THSD7A: variants seen among roughly 807,000 people sequenced by gnomAD.
THSD7A encodes thrombospondin type-1 domain-containing protein 7A.
Under a neutral mutation model 231.3 loss-of-function variants are expected in THSD7A, and 96 were observed. The observed-to-expected ratio is 0.41, with a 90% CI of 0.35 to 0.49. THSD7A has a LOEUF of 0.49. Ranked by LOEUF, THSD7A falls within the 20% of genes least tolerant of loss-of-function variation. The pLI, the probability that THSD7A is intolerant of heterozygous loss-of-function variation, is 0.05. For synonymous variants in THSD7A, 940 were observed against 743.3 expected (o/e 1.26, Z -4.30); for missense variants, 2,290 against 2,070.2 (o/e 1.11, Z -2.06).
At chr7:11,775,676 G>A (rs1170522808) in intron 1 of THSD7A, among the ~76,000 whole-genome samples, 1 of 152,156 alleles carries the variant, frequency 6.6e-6, no homozygotes, top group Non-Finnish European at 1.5e-5. Flanking sequence ...GGTTGCCAGG[G>A]ACTGAGGTGA....
chr7:11,438,537 A>G (rs1300051624), intron 13 of THSD7A, among the ~76,000 whole-genome samples: 1 of 152,040 alleles, frequency 6.6e-6, no homozygotes, highest in Non-Finnish European at 1.5e-5. Context: ...TCACAAGCAT[A>G]CTAGGCAAAG....
intron 3 of THSD7A, among the ~76,000 whole-genome samples, chr7:11,592,177 TGGA>T (rs943925766): frequency 6.6e-6 from 1 of 152,136 alleles, no homozygotes; most frequent in African/African-American, 2.4e-5. Flanking sequence ...AAATTCTCTG[TGGA>T]GGTTTCAGTC....
chr7:11,408,251 G>A (rs1000788517), intron 19 of THSD7A, among the ~76,000 whole-genome samples: 3 of 152,124 alleles, frequency 2.0e-5, no homozygotes, highest in Admixed American at 6.5e-5. Context: ...GCTCATGCCT[G>A]TAATCCCAGC....
At chr7:11,812,264 GTTA>G (rs1183288490) in intron 1 of THSD7A, among the ~76,000 whole-genome samples, 1 of 151,884 alleles carries the variant, frequency 6.6e-6, no homozygotes. Context: ...AAACTCCTGC[GTTA>G]TTTACTTTCA....
chr7:11,755,259 G>A (rs1210218393), intron 1 of THSD7A, among the ~76,000 whole-genome samples: 1 of 152,016 alleles, frequency 6.6e-6, no homozygotes, highest in Non-Finnish European at 1.5e-5. Flanking sequence ...TAGGGACATG[G>A]TATATGATAG....
At chr7:11,798,422 G>A (rs1054068650) in intron 1 of THSD7A, among the ~76,000 whole-genome samples, 2 of 151,282 alleles carry the variant, frequency 1.3e-5, no homozygotes, top group Non-Finnish European at 2.9e-5. Context: ...AGTGAGCTGA[G>A]ATTACATCAT....
At chr7:11,789,172 G>T (rs1193761243) in intron 1 of THSD7A, among the ~76,000 whole-genome samples, 1 of 151,836 alleles carries the variant, frequency 6.6e-6, no homozygotes, top group African/African-American at 2.4e-5. Flanking sequence ...ATTGCAAAGT[G>T]GTGTCATTGA....
intron 1 of THSD7A, among the ~76,000 whole-genome samples, chr7:11,639,441 G>A (rs544936785): frequency 2.0e-5 from 3 of 152,064 alleles, no homozygotes; most frequent in African/African-American, 4.8e-5. Context: ...AGGCCGAGGC[G>A]GGCGGATCAC....
In THSD7A at chr7:11,640,819, G is replaced by C. The variant is rs181391743; in HGVS notation, c.191-3858C>G. ...CCCATATAAAAGTTTAATAATACTG[G>C]CATCTTATTTATAACACCATGAATC... On this transcript the variant is annotated intron_variant, in intron 1 of 27. Coordinates refer to ENST00000423059, the MANE Select transcript of THSD7A (RefSeq NM_015204.3). Among the ~76,000 whole-genome samples, 684 of 152,060 alleles carry C rather than the reference G, an allele frequency of 4.5e-3. 4 individuals carry two copies. The highest frequency in any genetic ancestry group is 0.016 in the African/African-American group (656 of 41,480).
At chr7:11,743,644 T>A (rs2128161703) in intron 1 of THSD7A, among the ~76,000 whole-genome samples, 1 of 151,940 alleles carries the variant, frequency 6.6e-6, no homozygotes, top group African/African-American at 2.4e-5. Flanking sequence ...ACATGGGGAC[T>A]GAGTGGAGGA....
intron 1 of THSD7A, among the ~76,000 whole-genome samples, chr7:11,739,804 A>G (rs1357127383): frequency 6.6e-6 from 1 of 151,894 alleles, no homozygotes; most frequent in Non-Finnish European, 1.5e-5. Flanking sequence ...CTTTCCCCAG[A>G]AAGCAGAGGT....
intron 4 of THSD7A, among the ~76,000 whole-genome samples, chr7:11,587,596 A>G (rs10486150): frequency 0.094 from 14,320 of 152,244 alleles, 1,246 homozygotes; most frequent in African/African-American, 0.23. Context: ...TAAATTGTGA[A>G]TATTTTACTA....
intron 4 of THSD7A, among the ~76,000 whole-genome samples, chr7:11,546,199 C>CGTGT (rs150053928): frequency 2.9e-5 from 3 of 101,820 alleles, no homozygotes; most frequent in East Asian, 2.9e-4. Flanking sequence ...GGTGTGGGCG[C>CGTGT]GCGCTCACAC....
chr7:11,504,223 A>G (rs1156882126), intron 6 of THSD7A, among the ~76,000 whole-genome samples: 1 of 152,176 alleles, frequency 6.6e-6, no homozygotes, highest in Non-Finnish European at 1.5e-5. Context: ...AAAATCAAAT[A>G]CCACATGCTT....
chr7:11,761,370 C>G (rs1469908186), intron 1 of THSD7A, among the ~76,000 whole-genome samples: 3 of 152,042 alleles, frequency 2.0e-5, no homozygotes, highest in African/African-American at 7.2e-5. Context: ...TATATAACAT[C>G]TTTGCAAATA....
intron 13 of THSD7A, among the ~76,000 whole-genome samples, chr7:11,438,345 A>G (rs532843687): frequency 6.6e-6 from 1 of 152,154 alleles, no homozygotes; most frequent in East Asian, 1.9e-4. Context: ...CTCATTTGTA[A>G]TATTTGTAGA....
At chr7:11,699,713 T>A (rs1479137622) in intron 1 of THSD7A, among the ~76,000 whole-genome samples, 1 of 151,344 alleles carries the variant, frequency 6.6e-6, no homozygotes, top group Non-Finnish European at 1.5e-5. Context: ...ACATGCCAAT[T>A]TTGCTATTTA....
intron 1 of THSD7A, among the ~76,000 whole-genome samples, chr7:11,714,666 G>C (rs1027082207): frequency 2.6e-5 from 4 of 151,130 alleles, no homozygotes; most frequent in Admixed American, 2.6e-4. Flanking sequence ...AGTACCCTAA[G>C]AAAAAAAGCA....
intron 5 of THSD7A, among the ~76,000 whole-genome samples, chr7:11,542,068 C>T (rs1562701497): frequency 6.6e-6 from 1 of 152,174 alleles, no homozygotes; most frequent in East Asian, 1.9e-4. Context: ...ATTCTTAAAT[C>T]TTCAGCAATG....
Sources: allele counts gnomAD v4.1 joint callset (sites outside exome capture counted in the v4.1 genomes callset), GRCh38; gene constraint gnomAD v4.1.1; transcripts MANE v1.5; gene names NCBI Gene and HGNC (gene_info 2026-07-23, HGNC 2026-07-21).